PEX5L: variants seen among roughly 807,000 people sequenced by gnomAD.
PEX5L encodes the protein peroxisomal biogenesis factor 5 like, also known as PEX5-related protein.
PEX5L carries 30 observed loss-of-function variants against 84.0 expected under a neutral mutation model. The ratio of observed to expected loss-of-function variants is 0.36; its 90% CI spans 0.27 to 0.48. The LOEUF is 0.48. Among genes scored for constraint, PEX5L ranks in the 20% least tolerant of loss-of-function variants. The pLI, the probability that PEX5L is intolerant of heterozygous loss-of-function variation, is 0.99. For missense variants in PEX5L, 533 were observed against 754.6 expected, an observed-to-expected ratio of 0.71 and a Z score of 3.44; for synonymous variants, 270 against 283.1, an observed-to-expected ratio of 0.95 and a Z score of 0.46.
chr3:179,877,212 A>G (rs2108749950), intron 5 of PEX5L, among the ~76,000 whole-genome samples: 1 of 152,286 alleles, frequency 6.6e-6, no homozygotes, highest in South Asian at 2.1e-4. Context: ...TCCATGTTGT[A>G]GCATGTAAGT....
At chr3:180,009,730 T>A (rs991683165) in intron 1 of PEX5L, among the ~76,000 whole-genome samples, 1 of 151,970 alleles carries the variant, frequency 6.6e-6, no homozygotes, top group African/African-American at 2.4e-5. Flanking sequence ...CTATTTTTCT[T>A]TTCAACACTT....
intron 8 of PEX5L, among the ~76,000 whole-genome samples, chr3:179,821,081 G>A (rs2108965132): frequency 6.6e-6 from 1 of 152,280 alleles, no homozygotes; most frequent in South Asian, 2.1e-4. Flanking sequence ...AGCTGTTAGT[G>A]GTCACCATGA....
chr3:179,877,868 C>T (rs1021513178), intron 5 of PEX5L, among the ~76,000 whole-genome samples: 1 of 152,136 alleles, frequency 6.6e-6, no homozygotes, highest in African/African-American at 2.4e-5. Flanking sequence ...AATTTCCCTC[C>T]AAAGACAGAC....
intron 2 of PEX5L, among the ~76,000 whole-genome samples, chr3:179,926,519 G>A (rs1370157254): frequency 6.6e-6 from 1 of 152,066 alleles, no homozygotes; most frequent in Non-Finnish European, 1.5e-5. Context: ...TCCTCAGATG[G>A]GCCTCCTGAT....
chr3:179,816,251 A>G (rs963355914), intron 9 of PEX5L, among the ~76,000 whole-genome samples: 12 of 152,204 alleles, frequency 7.9e-5, no homozygotes, highest in Admixed American at 2.6e-4. Flanking sequence ...CTGAGTATAT[A>G]CCCAAAGGAT....
intron 8 of PEX5L, among the ~76,000 whole-genome samples, chr3:179,852,189 C>T (rs1019437194): frequency 6.6e-6 from 1 of 152,140 alleles, no homozygotes; most frequent in Non-Finnish European, 1.5e-5. Flanking sequence ...AATTAAGCTG[C>T]TGGCTGGGCC....
intron 8 of PEX5L, among the ~76,000 whole-genome samples, chr3:179,855,309 T>C (rs1441360779): frequency 1.3e-5 from 2 of 152,234 alleles, no homozygotes; most frequent in Non-Finnish European, 2.9e-5. Flanking sequence ...GCTCCAGGCA[T>C]GATTTTCATC....
intron 2 of PEX5L, among the ~76,000 whole-genome samples, chr3:179,967,175 T>C (rs988159721): frequency 6.6e-6 from 1 of 152,158 alleles, no homozygotes; most frequent in Non-Finnish European, 1.5e-5. Context: ...TCTTAATCCA[T>C]TCATAGCATG....
chr3:179,866,581 T>C (rs1748242482), intron 7 of PEX5L, among the ~76,000 whole-genome samples: 1 of 152,212 alleles, frequency 6.6e-6, no homozygotes, highest in South Asian at 2.1e-4. Flanking sequence ...TTCTGGTTAG[T>C]GCCTACCAGG....
intron 1 of PEX5L, among the ~76,000 whole-genome samples, chr3:179,995,439 T>C (rs1787799071): frequency 6.6e-6 from 1 of 152,024 alleles, no homozygotes; most frequent in Non-Finnish European, 1.5e-5. Flanking sequence ...TCTAATAATA[T>C]GGAGAACACT....
At chr3:179,932,757 ATATATT>A in intron 2 of PEX5L, among the ~76,000 whole-genome samples, 1 of 152,202 alleles carries the variant, frequency 6.6e-6, no homozygotes, top group Non-Finnish European at 1.5e-5. Context: ...CAAAAATTGC[ATATATT>A]TATAATGTAC....
chr3:179,819,165 G>A (rs939671352), intron 9 of PEX5L, among the ~76,000 whole-genome samples: 7 of 151,974 alleles, frequency 4.6e-5, no homozygotes, highest in African/African-American at 1.4e-4. Flanking sequence ...GCTCTTTTAG[G>A]TAAGAAAGTT....
chr3:179,817,644 G>A (rs1290127087), intron 9 of PEX5L, among the ~76,000 whole-genome samples: 1 of 152,182 alleles, frequency 6.6e-6, no homozygotes, highest in East Asian at 1.9e-4. Flanking sequence ...GATGTTATTT[G>A]TTGCAATTTT....
At chr3:179,850,957 G>C (rs1358676517) in intron 8 of PEX5L, among the ~76,000 whole-genome samples, 1 of 152,168 alleles carries the variant, frequency 6.6e-6, no homozygotes, top group Non-Finnish European at 1.5e-5. Flanking sequence ...AGCAGTTCAA[G>C]AATGGTCTCC....
At position 179,986,181 on chromosome 3, in the gene PEX5L, T is replaced by TATATATATAA. The variant is rs58775648; in HGVS notation, c.22-14517_22-14516insTTATATATAT. Among the ~76,000 whole-genome samples, 610 of 149,938 alleles carry TATATATATAA rather than the reference T, an allele frequency of 4.1e-3. 4 individuals are homozygous for TATATATATAA. The highest frequency in any genetic ancestry group is 0.014 in the African/African-American group (579 of 41,040). On this transcript the variant is annotated intron_variant, in intron 1 of 14. Transcript: ENST00000467460. ...GTAATTTAAAATATATATATATATA[T>TATATATATAA]AACTTTATGTTTATGCAATAATAAT... is the stretch of plus-strand genomic sequence containing the variant.
chr3:179,984,298 C>G (rs1035159710), intron 1 of PEX5L, among the ~76,000 whole-genome samples: 2 of 151,928 alleles, frequency 1.3e-5, no homozygotes, highest in African/African-American at 4.8e-5. Context: ...CTATTAAGCT[C>G]TTTTATTAAA....
In PEX5L at chr3:179,798,601, C is replaced by T. The variant is rs886348651; in HGVS notation, c.*3227G>A. On this transcript the variant is annotated 3_prime_UTR_variant, in exon 15 of 15. Transcript: ENST00000467460. Reference sequence around the variant, plus strand: ...TCACCTGTATGTAACTGAAGTCACCCGTATGTAGCCATTCTAGTAAGAATA... The same window carrying T: ...TCACCTGTATGTAACTGAAGTCACCTGTATGTAGCCATTCTAGTAAGAATA... The T allele has an allele frequency of 2.6e-5, 4 of 152,108 alleles. No homozygotes were observed. The highest frequency in any genetic ancestry group is 4.8e-5 in the African/African-American group (2 of 41,412). 9.4% of individuals were successfully genotyped at this position (152,108 alleles called of 1,614,324 possible). A position where few individuals can be genotyped will look rare whatever the true frequency, so the allele number is the denominator to read the frequency against.
chr3:179,895,715 T>C (rs973995691), intron 3 of PEX5L: 7 of 152,082 alleles, frequency 4.6e-5, no homozygotes, highest in African/African-American at 7.2e-5. Flanking sequence ...AATCACATAA[T>C]ACAAAAAAGT....
At chr3:180,019,955 G>C (rs1329164354) in intron 1 of PEX5L, among the ~76,000 whole-genome samples, 1 of 152,124 alleles carries the variant, frequency 6.6e-6, no homozygotes, top group East Asian at 1.9e-4. Flanking sequence ...CAAACAATTA[G>C]GCTTCTTAAC....
Sources: gnomAD v4.1 joint callset for allele counts (sites outside exome capture counted in the v4.1 genomes callset) on GRCh38, gnomAD v4.1.1 for gene constraint, MANE v1.5 for transcripts, NCBI Gene and HGNC (gene_info 2026-07-23, HGNC 2026-07-21) for gene names.